Variants in PDE3B observed in about 807,000 individuals in gnomAD.
PDE3B encodes cGMP-inhibited 3',5'-cyclic phosphodiesterase 3B.
In PDE3B, 66 loss-of-function variants were observed where a neutral mutation model predicts 116.8. The observed-to-expected ratio is 0.56, with a 90% confidence interval of 0.46 to 0.69. PDE3B has a LOEUF of 0.69. Among genes scored for constraint, PDE3B ranks in the 30% least tolerant of loss-of-function variants. The pLI is 0.00. For missense variants in PDE3B, 1,384 were observed against 1,368.1 expected, an observed-to-expected ratio of 1.01 and a Z score of -0.18; for synonymous variants, 595 against 533.6, an observed-to-expected ratio of 1.12 and a Z score of -1.59.
At position 14,824,459 on chromosome 11, in the gene PDE3B, T is replaced by A. The variant is rs189958175; in HGVS notation, c.1807+5250T>A. On this transcript the variant is annotated intron_variant, in intron 7 of 15. Coordinates refer to ENST00000282096, the MANE Select transcript of PDE3B (RefSeq NM_000922.4). Reference sequence around the variant, plus strand: ...ATGAAAAGGAACCTAACTGATCTGATAGAGCTGAAAAACACACTACAAGAA... The same window carrying A: ...ATGAAAAGGAACCTAACTGATCTGAAAGAGCTGAAAAACACACTACAAGAA... Among the ~76,000 whole-genome samples the A allele has an allele frequency of 2.6e-5, 4 of 152,260 alleles. No individual in the cohort carries two copies. In the East Asian group the frequency reaches 5.8e-4, roughly 22 times the overall value.
Position 14,694,981 on chromosome 11 carries a change from A to G in PDE3B, c.978+49928A>G, listed in dbSNP as rs139298803. Among the ~76,000 whole-genome samples the G allele has an allele frequency of 7.1e-4, 108 of 152,258 alleles. No homozygotes were observed. In the East Asian group the frequency reaches 0.019, roughly 27 times the overall value. On this transcript the variant is annotated intron_variant, in intron 1 of 15. Transcript: ENST00000282096. Reference sequence around the variant, plus strand: ...AATATTTTCTTAGATACATACCTATATAGTCGCCACACAGATCCAAGTATG... The same window carrying G: ...AATATTTTCTTAGATACATACCTATGTAGTCGCCACACAGATCCAAGTATG...
rs931734689 is a variant in PDE3B at position 14,777,291 on chromosome 11, G to A, written c.1029+5304G>A. Among the ~76,000 whole-genome samples the A allele has an allele frequency of 5.3e-5, 8 of 152,112 alleles. No individual in the cohort carries two copies. In the South Asian group the frequency reaches 1.0e-3, roughly 20 times the overall value. On this transcript the variant is annotated intron_variant, in intron 2 of 15. Transcript: ENST00000282096. ...CAAAGAACCAACATTTGTATTGCTCGTGTTTGAGAAGGAGAAAGGGGGTGG... is the reference window on the plus strand; with the variant it reads ...CAAAGAACCAACATTTGTATTGCTCATGTTTGAGAAGGAGAAAGGGGGTGG...
chr11:14,833,602 A>G (rs1859965889), intron 10 of PDE3B, among the ~76,000 whole-genome samples: 1 of 152,200 alleles, frequency 6.6e-6, no homozygotes, highest in Non-Finnish European at 1.5e-5. Flanking sequence ...GATTTATGGA[A>G]TAATTTAATG....
At chr11:14,757,999 T>C (rs1590119852) in intron 1 of PDE3B, among the ~76,000 whole-genome samples, 1 of 151,956 alleles carries the variant, frequency 6.6e-6, no homozygotes, top group East Asian at 1.9e-4. Flanking sequence ...AAGGAAGGGA[T>C]CCGGTTTCAG....
intron 1 of PDE3B, among the ~76,000 whole-genome samples, chr11:14,659,499 T>C (rs910460889): frequency 6.6e-6 from 1 of 152,216 alleles, no homozygotes; most frequent in African/African-American, 2.4e-5. Context: ...ACTCTGGAAA[T>C]GTGATTTTTT....
intron 1 of PDE3B, among the ~76,000 whole-genome samples, chr11:14,771,324 C>G (rs545848098): frequency 1.3e-5 from 2 of 151,672 alleles, no homozygotes; most frequent in South Asian, 2.1e-4. Flanking sequence ...GGTTGGGAAG[C>G]AGCCAAAAAG....
intron 12 of PDE3B, among the ~76,000 whole-genome samples, chr11:14,844,550 A>G (rs1847548670): frequency 6.6e-6 from 1 of 152,254 alleles, no homozygotes; most frequent in African/African-American, 2.4e-5. Context: ...TCACTCGGGA[A>G]GCACAAGGGG....
intron 1 of PDE3B, among the ~76,000 whole-genome samples, chr11:14,688,610 C>T: frequency 6.6e-6 from 1 of 152,018 alleles, no homozygotes; most frequent in Non-Finnish European, 1.5e-5. Context: ...TATTTTATTT[C>T]TCAGAAGTAT....
chr11:14,767,894 CAT>C (rs1404521514), intron 1 of PDE3B, among the ~76,000 whole-genome samples: 1 of 150,758 alleles, frequency 6.6e-6, no homozygotes, highest in African/African-American at 2.4e-5. Context: ...TTAAAAATAT[CAT>C]ATATATATTT....
intron 1 of PDE3B, among the ~76,000 whole-genome samples, chr11:14,681,127 G>GT (rs964375832): frequency 6.6e-6 from 1 of 152,172 alleles, no homozygotes; most frequent in Non-Finnish European, 1.5e-5. Context: ...TTTCAAACCA[G>GT]TGAAAAGCAC....
chr11:14,689,463 C>T (rs1854986481), intron 1 of PDE3B, among the ~76,000 whole-genome samples: 1 of 152,076 alleles, frequency 6.6e-6, no homozygotes, highest in Non-Finnish European at 1.5e-5. Context: ...ACAAGACTAG[C>T]ATCTCCTTTG....
intron 1 of PDE3B, among the ~76,000 whole-genome samples, chr11:14,708,022 G>T (rs1290218363): frequency 1.3e-5 from 2 of 151,990 alleles, no homozygotes; most frequent in Non-Finnish European, 2.9e-5. Flanking sequence ...GCAATGGTTT[G>T]GATGCTTGTC....
chr11:14,894,499 T>C, the PDE3B span, among the ~76,000 whole-genome samples: 1 of 152,244 alleles, frequency 6.6e-6, no homozygotes, highest in Admixed American at 6.5e-5. Flanking sequence ...TCATTTATTT[T>C]CAGAAAGGAT....
At chr11:14,786,929 A>G (rs965822258) in intron 3 of PDE3B, among the ~76,000 whole-genome samples, 1 of 152,000 alleles carries the variant, frequency 6.6e-6, no homozygotes, top group Non-Finnish European at 1.5e-5. Context: ...TCTTGTTAAG[A>G]AGTAGAGAAC....
intron 1 of PDE3B, among the ~76,000 whole-genome samples, chr11:14,739,102 A>T (rs1234143905): frequency 2.0e-5 from 3 of 152,136 alleles, no homozygotes; most frequent in Non-Finnish European, 4.4e-5. Flanking sequence ...TTTGGGTTTC[A>T]TGTGAAATTT....
At chr11:14,800,855 C>A (rs778930497) in intron 4 of PDE3B, among the ~76,000 whole-genome samples, 1 of 152,002 alleles carries the variant, frequency 6.6e-6, no homozygotes, top group Non-Finnish European at 1.5e-5. Flanking sequence ...TTGTTCATTT[C>A]TTTTTATTCT....
At chr11:14,666,497 A>G (rs1252399140) in intron 1 of PDE3B, among the ~76,000 whole-genome samples, 16 of 150,402 alleles carry the variant, frequency 1.1e-4, no homozygotes, top group Middle Eastern at 3.6e-3. Context: ...TGAACAGGCA[A>G]CCTACAAAAT....
At chr11:14,702,139 G>A (rs1374656833) in intron 1 of PDE3B, among the ~76,000 whole-genome samples, 1 of 151,044 alleles carries the variant, frequency 6.6e-6, no homozygotes, top group African/African-American at 2.4e-5. Flanking sequence ...TATTTTTCTA[G>A]TTGTCCTTCA....
chr11:14,675,672 A>G (rs574593280), intron 1 of PDE3B, among the ~76,000 whole-genome samples: 6 of 152,248 alleles, frequency 3.9e-5, no homozygotes, highest in Non-Finnish European at 8.8e-5. Context: ...TAATGCATTC[A>G]TATTGTTTTG....
Sources: allele counts gnomAD v4.1 joint callset (sites outside exome capture counted in the v4.1 genomes callset), GRCh38; gene constraint gnomAD v4.1.1; transcripts MANE v1.5; gene names NCBI Gene and HGNC (gene_info 2026-07-23, HGNC 2026-07-21).